Variants in PACS1 observed in about 807,000 individuals in gnomAD.
PACS1 encodes PACS-1.
Under a neutral mutation model 115.0 loss-of-function variants are expected in PACS1, and 24 were observed. The ratio of observed to expected loss-of-function variants is 0.21; its 90% CI spans 0.15 to 0.29. The LOEUF (loss-of-function observed/expected upper bound fraction) is 0.29. Ranked by LOEUF, PACS1 falls within the 10% of genes least tolerant of loss-of-function variation. The pLI is 1.00. For missense variants in PACS1, 838 were observed against 1,251.2 expected (o/e 0.67, Z 4.98); for synonymous variants, 453 against 504.5 (o/e 0.90, Z 1.37).
intron 1 of PACS1, among the ~76,000 whole-genome samples, chr11:66,126,480 A>T (rs1165079030): frequency 6.6e-6 from 1 of 152,232 alleles, no homozygotes; most frequent in Non-Finnish European, 1.5e-5. Context: ...CAAACAAAAA[A>T]TAAGTGTTAG....
chr11:66,192,034 A>G (rs1854536972), intron 1 of PACS1, among the ~76,000 whole-genome samples: 2 of 152,044 alleles, frequency 1.3e-5, no homozygotes, highest in Admixed American at 1.3e-4. Flanking sequence ...AAAAAAAAAG[A>G]AAGAAAGTTC....
intron 22 of PACS1, among the ~76,000 whole-genome samples, chr11:66,242,516 C>T (rs962612383): frequency 7.9e-5 from 12 of 152,294 alleles, no homozygotes; most frequent in African/African-American, 2.6e-4. Flanking sequence ...GAGCACTCCC[C>T]GGCATCCCCA....
chr11:66,193,672 T>G, intron 2 of PACS1, 99 bp downstream of exon 2: 1 of 772,088 alleles, frequency 1.3e-6, no homozygotes, highest in Non-Finnish European at 2.2e-6. Flanking sequence ...CACCTCTGTC[T>G]TCCTCCTCTC....
chr11:66,132,452 A>G (rs1433741824), intron 1 of PACS1, among the ~76,000 whole-genome samples: 1 of 152,188 alleles, frequency 6.6e-6, no homozygotes, highest in Non-Finnish European at 1.5e-5. Flanking sequence ...AAATCCACAG[A>G]TGCTTAAGTT....
rs11227416 is a variant in PACS1 at position 66,122,646 on chromosome 11, T to G, written c.356+51804T>G. ...AAGTCGATTTCGACTCATGGATGAT[T>G]TCAAGGTGCTCACGACTTCAGTGGA... On this transcript the variant is annotated intron_variant, in intron 1 of 23. Coordinates refer to ENST00000320580, the MANE Select transcript of PACS1 (RefSeq NM_018026.4). Among the ~76,000 whole-genome samples, 783 of 152,290 alleles carry G rather than the reference T, an allele frequency of 5.1e-3. 10 individuals are homozygous for G. Among genetic ancestry groups the G allele is most frequent in the African/African-American group, 0.018 (744 of 41,556 alleles).
At position 66,195,954 on chromosome 11, in the gene PACS1, T is replaced by C. The variant is rs1472516059; in HGVS notation, c.444+2381T>C. Among the ~76,000 whole-genome samples, 3 of 152,234 alleles carry C rather than the reference T, an allele frequency of 2.0e-5. No individual in the cohort carries two copies. The East Asian group carries it at 5.8e-4, about 29-fold the overall frequency. On this transcript the variant is annotated intron_variant, in intron 2 of 23. Coordinates refer to ENST00000320580, the MANE Select transcript of PACS1 (RefSeq NM_018026.4). The stretch of plus-strand genomic sequence containing the variant: ...GCATTATTTGCCTTTTTCAGCATGT[T>C]GACTTTTGCACTGAAAGTACAAGAG...
chr11:66,150,852 A>G (rs1019011122), intron 1 of PACS1, among the ~76,000 whole-genome samples: 1 of 152,234 alleles, frequency 6.6e-6, no homozygotes, highest in Non-Finnish European at 1.5e-5. Context: ...TGACTCCTGA[A>G]ACACTATAAT....
chr11:66,144,429 C>G (rs1859072162), intron 1 of PACS1, among the ~76,000 whole-genome samples: 1 of 152,146 alleles, frequency 6.6e-6, no homozygotes, highest in Non-Finnish European at 1.5e-5. Flanking sequence ...GCTATCAGGG[C>G]TGTCTGAGTT....
chr11:66,202,742 A>AAAAAAAAAAAAAAAAATATATATAT (rs1200930188), intron 2 of PACS1, among the ~76,000 whole-genome samples: 1 of 71,652 alleles, frequency 1.4e-5, no homozygotes, highest in African/African-American at 8.0e-5. Flanking sequence ...AAAAAAAAAA[A>AAAAAAAAAAAAAAAAATATATATAT]ATATATATAT....
At chr11:66,241,390 G>A in intron 21 of PACS1, 37 bp from the exon 22 acceptor site, 1 of 1,504,620 alleles carries the variant, frequency 6.6e-7, no homozygotes, top group Non-Finnish European at 9.0e-7. Context: ...GGAGCTGAAG[G>A]CAGAGCTGAC....
intron 2 of PACS1, among the ~76,000 whole-genome samples, chr11:66,210,091 C>T (rs531197382): frequency 1.6e-4 from 25 of 151,934 alleles, no homozygotes; most frequent in Middle Eastern, 6.8e-3. Context: ...AGTGCAGTGG[C>T]AGGATCATGA....
At chr11:66,133,762 C>G (rs2134581492) in intron 1 of PACS1, among the ~76,000 whole-genome samples, 1 of 152,306 alleles carries the variant, frequency 6.6e-6, no homozygotes, top group Non-Finnish European at 1.5e-5. Flanking sequence ...ATCTCAACCC[C>G]CCAAAGTGCT....
At chr11:66,093,355 A>G (rs1265110383) in intron 1 of PACS1, among the ~76,000 whole-genome samples, 2 of 150,310 alleles carry the variant, frequency 1.3e-5, no homozygotes, top group African/African-American at 4.9e-5. Flanking sequence ...AGGAAGATCT[A>G]CCAAGCAAAT....
Position 66,178,752 on chromosome 11 carries a change from G to A in PACS1, c.357-14734G>A, listed in dbSNP as rs1432117848. Among the ~76,000 whole-genome samples, 4 of 151,990 alleles carry A rather than the reference G, an allele frequency of 2.6e-5. No homozygotes were observed. The East Asian group carries it at 5.8e-4, about 22-fold the overall frequency. Reference sequence around the variant, plus strand: ...TTACTGTGTGGCTTAATAGAAAATAGCTAAGTTCTCACATCTCTTTCTGCA... The same window carrying A: ...TTACTGTGTGGCTTAATAGAAAATAACTAAGTTCTCACATCTCTTTCTGCA... On this transcript the variant is annotated intron_variant, in intron 1 of 23. Coordinates refer to ENST00000320580, the MANE Select transcript of PACS1 (RefSeq NM_018026.4).
At chr11:66,172,723 A>G (rs1018721524) in intron 1 of PACS1, among the ~76,000 whole-genome samples, 9 of 152,318 alleles carry the variant, frequency 5.9e-5, no homozygotes, top group African/African-American at 2.2e-4. Flanking sequence ...GGTGGCTCAC[A>G]TCTCAGCACT....
chr11:66,208,786 G>T (rs1855004909), intron 2 of PACS1, among the ~76,000 whole-genome samples: 1 of 151,912 alleles, frequency 6.6e-6, no homozygotes, highest in South Asian at 2.1e-4. Context: ...CATGCCCTTA[G>T]AATTTATTTT....
chr11:66,234,484 G>A (rs948392635), intron 17 of PACS1, among the ~76,000 whole-genome samples: 4 of 152,266 alleles, frequency 2.6e-5, no homozygotes, highest in Non-Finnish European at 5.9e-5. Flanking sequence ...GAAGGAACAA[G>A]GGCCATGCTG....
At chr11:66,099,823 G>T (rs141975818) in intron 1 of PACS1, among the ~76,000 whole-genome samples, 1 of 151,836 alleles carries the variant, frequency 6.6e-6, no homozygotes, top group Non-Finnish European at 1.5e-5. Flanking sequence ...TGGGATTATA[G>T]GCATGAGCCA....
At chr11:66,099,384 C>T (rs548822178) in intron 1 of PACS1, among the ~76,000 whole-genome samples, 102 of 152,046 alleles carry the variant, frequency 6.7e-4, no homozygotes, top group Admixed American at 1.0e-3. Context: ...CCACCACACT[C>T]GGCTAATTTT....
Sources: gnomAD v4.1 joint callset for allele counts (sites outside exome capture counted in the v4.1 genomes callset) on GRCh38, gnomAD v4.1.1 for gene constraint, MANE v1.5 for transcripts, NCBI Gene and HGNC (gene_info 2026-07-23, HGNC 2026-07-21) for gene names.